The following RNF111 variants were observed in gnomAD, a reference collection of about 807,000 sequenced individuals.
The protein encoded by RNF111 is ring finger protein 111.
A neutral mutation model predicts 95.1 loss-of-function variants in RNF111; 17 were observed. That is an observed-to-expected ratio of 0.18 (90% CI 0.12 to 0.27). RNF111 has a LOEUF of 0.27. Among genes scored for constraint, RNF111 ranks in the 10% least tolerant of loss-of-function variants. RNF111 has a pLI of 1.00. For synonymous variants in RNF111, 440 were observed against 414.8 expected (o/e 1.06, Z -0.74); for missense variants, 1,189 against 1,210.4 (o/e 0.98, Z 0.26).
chr15:59,072,536 C>G (rs1398661221), intron 6 of RNF111, among the ~76,000 whole-genome samples: 1 of 146,670 alleles, frequency 6.8e-6, no homozygotes, highest in African/African-American at 2.6e-5. Flanking sequence ...TCACTGAAAG[C>G]TCCACCTCCC....
Position 59,066,646 on chromosome 15 carries a change from A to T in RNF111, c.1367-118A>T, listed in dbSNP as rs62002543. On this transcript the variant is annotated intron_variant, in intron 5 of 13. Coordinates refer to ENST00000348370, the MANE Select transcript of RNF111 (RefSeq NM_017610.8). ...AACGTGGCACTATCACATTATTTAC[A>T]GAGATTTGAAATTACCGAACATTTC... 4 of 829,220 alleles carry T rather than the reference A, an allele frequency of 4.8e-6. No individual in the cohort carries two copies. In the South Asian group the frequency reaches 5.4e-5, roughly 11 times the overall value. 51.4% of individuals were successfully genotyped at this position (829,220 alleles called of 1,614,324 possible). A position where few individuals can be genotyped will look rare whatever the true frequency, so the allele number is the denominator to read the frequency against.
At chr15:59,076,335 G>A (rs2078561782) in intron 7 of RNF111, 120 bp downstream of exon 7, 5 of 1,161,548 alleles carry the variant, frequency 4.3e-6, no homozygotes, top group Non-Finnish European at 6.0e-6. Context: ...TGGCTTAAGA[G>A]TAGGGTATAT....
chr15:59,011,596 G>A (rs527386741), intron 1 of RNF111, among the ~76,000 whole-genome samples: 2 of 152,136 alleles, frequency 1.3e-5, no homozygotes, highest in African/African-American at 4.8e-5. Flanking sequence ...CCCTCTTCTT[G>A]GTTTATAAAT....
At chr15:59,034,420 A>G (rs2041070135) in intron 2 of RNF111, among the ~76,000 whole-genome samples, 1 of 152,234 alleles carries the variant, frequency 6.6e-6, no homozygotes, top group Non-Finnish European at 1.5e-5. Context: ...TCGTGATGAT[A>G]ATAAAAATAT....
chr15:59,081,644 G>C (rs1311642117), intron 8 of RNF111, among the ~76,000 whole-genome samples: 1 of 152,164 alleles, frequency 6.6e-6, no homozygotes, highest in Non-Finnish European at 1.5e-5. Flanking sequence ...GATAATTTGA[G>C]CCCAGGAGTT....
intron 6 of RNF111, among the ~76,000 whole-genome samples, chr15:59,071,806 C>T (rs1596273054): frequency 6.6e-6 from 1 of 152,094 alleles, no homozygotes; most frequent in African/African-American, 2.4e-5. Context: ...AATCGTATTC[C>T]TAATACAAGC....
At chr15:59,060,785 CATTATTATTATT>C (rs3052989) in intron 5 of RNF111, among the ~76,000 whole-genome samples, 1 of 146,758 alleles carries the variant, frequency 6.8e-6, no homozygotes, top group Non-Finnish European at 1.5e-5. Flanking sequence ...CTTTATGTAG[CATTATTATTATT>C]ATTATTATTA....
chr15:59,088,531 A>C (rs1191562075), intron 10 of RNF111, among the ~76,000 whole-genome samples: 1 of 152,246 alleles, frequency 6.6e-6, no homozygotes, highest in Non-Finnish European at 1.5e-5. Flanking sequence ...AATTCTGCTT[A>C]AAGTATGTTG....
At chr15:59,081,407 G>A in intron 8 of RNF111, 123 bp downstream of exon 8, 3 of 776,592 alleles carry the variant, frequency 3.9e-6, no homozygotes, top group Non-Finnish European at 6.1e-6. Flanking sequence ...CTCCTTGGGA[G>A]GCTGAGACAG....
chr15:59,052,250 C>T, intron 2 of RNF111, 55 bp from the exon 3 acceptor site: 1 of 1,429,588 alleles, frequency 7.0e-7, no homozygotes, highest in African/African-American at 1.5e-5. Context: ...AAATTTCTGC[C>T]TAACGATTAG....
chr15:59,025,548 T>C (rs974884590), intron 1 of RNF111, among the ~76,000 whole-genome samples: 1 of 152,178 alleles, frequency 6.6e-6, no homozygotes, highest in Non-Finnish European at 1.5e-5. Context: ...TGGCACATAG[T>C]AAAATAAATA....
intron 5 of RNF111, among the ~76,000 whole-genome samples, chr15:59,061,099 T>C (rs1596240388): frequency 6.6e-6 from 1 of 152,208 alleles, no homozygotes; most frequent in Non-Finnish European, 1.5e-5. Context: ...CCTCGGCCTA[T>C]GTGTAGCATT....
chr15:59,093,337 CTTTT>C (rs1236130195), intron 13 of RNF111: 381 of 269,314 alleles, frequency 1.4e-3, no homozygotes, highest in East Asian at 1.6e-3. Flanking sequence ...TTTACAGCAT[CTTTT>C]TTTTTTTTTT....
intron 1 of RNF111, among the ~76,000 whole-genome samples, chr15:59,029,764 A>T (rs2040813737): frequency 6.6e-6 from 1 of 152,218 alleles, no homozygotes; most frequent in Non-Finnish European, 1.5e-5. Flanking sequence ...AATGGGAAGA[A>T]GATTTCTAGG....
chr15:58,992,929 G>T (rs2038882772), intron 1 of RNF111, among the ~76,000 whole-genome samples: 1 of 152,246 alleles, frequency 6.6e-6, no homozygotes, highest in South Asian at 2.1e-4. Flanking sequence ...AGCACTTTGG[G>T]AGGCTGAGGC....
chr15:59,092,514 TAAC>T lies in RNF111; in HGVS notation c.2740-19_2740-17del. 1 of 1,605,804 alleles carries T rather than the reference TAAC, an allele frequency of 6.2e-7. No individual in the cohort carries two copies. The highest frequency in any genetic ancestry group is 1.1e-5 in the South Asian group (1 of 89,548). On this transcript the variant is annotated intron_variant, in intron 12 of 13. Coordinates refer to ENST00000348370, the MANE Select transcript of RNF111 (RefSeq NM_017610.8). The stretch of plus-strand genomic sequence containing the variant: ...AATAATGTCATCTCTACTAATAAGG[TAAC>T]AACTGATTGGTTCTCACAGAGGAAA...
chr15:59,068,812 C>T (rs540549373), intron 6 of RNF111, among the ~76,000 whole-genome samples: 1 of 152,178 alleles, frequency 6.6e-6, no homozygotes, highest in East Asian at 1.9e-4. Flanking sequence ...CGCGGTGGCT[C>T]ATGCCTGTAT....
chr15:59,028,839 G>A (rs377707346), intron 1 of RNF111, among the ~76,000 whole-genome samples: 1 of 151,900 alleles, frequency 6.6e-6, no homozygotes, highest in African/African-American at 2.4e-5. Context: ...GACTGTAGCG[G>A]TGCAGTCCCA....
intron 1 of RNF111, among the ~76,000 whole-genome samples, chr15:59,027,992 A>C (rs777985683): frequency 6.6e-6 from 1 of 150,828 alleles, no homozygotes; most frequent in Non-Finnish European, 1.5e-5. Flanking sequence ...TGCCCGGATA[A>C]TTTTTTGTAT....
Sources: gnomAD v4.1 joint callset for allele counts (sites outside exome capture counted in the v4.1 genomes callset) on GRCh38, gnomAD v4.1.1 for gene constraint, MANE v1.5 for transcripts, NCBI Gene and HGNC (gene_info 2026-07-23, HGNC 2026-07-21) for gene names.